The following CDKL5 variants were observed in gnomAD, a reference collection of about 807,000 sequenced individuals.
CDKL5 encodes the protein cyclin dependent kinase like 5, also known as cyclin-dependent kinase-like 5.
CDKL5 carries 8 observed loss-of-function variants against 61.7 expected under a neutral mutation model. The observed-to-expected ratio is 0.13, with a 90% CI of 0.08 to 0.23. The LOEUF (loss-of-function observed/expected upper bound fraction) is 0.23. Ranked by LOEUF, CDKL5 falls within the 10% of genes least tolerant of loss-of-function variation. The pLI is 1.00. For synonymous variants in CDKL5, 275 were observed against 272.3 expected (o/e 1.01, Z -0.10); for missense variants, 440 against 734.5 (o/e 0.60, Z 4.63).
At chrX:18,504,176 G>C (rs971600541) in intron 1 of CDKL5, among the ~76,000 whole-genome samples, 2 of 111,279 alleles carry the variant, frequency 1.8e-5, no homozygotes, top group Non-Finnish European at 3.8e-5. Flanking sequence ...CGCAATCACA[G>C]CTCACTGCAG....
chrX:18,569,646 G>A (rs902240840), intron 4 of CDKL5, among the ~76,000 whole-genome samples: 1 of 111,902 alleles, frequency 8.9e-6, no homozygotes, highest in African/African-American at 3.2e-5. Flanking sequence ...TATAGCTTTG[G>A]ACCAGCAAGA....
At chrX:18,514,263 C>CT (rs1002019964) in intron 3 of CDKL5, among the ~76,000 whole-genome samples, 25 of 109,515 alleles carry the variant, frequency 2.3e-4, no homozygotes, top group African/African-American at 7.6e-4. Flanking sequence ...ATAGCTTTTA[C>CT]TTTTTTTTTG....
intron 3 of CDKL5, among the ~76,000 whole-genome samples, chrX:18,519,640 G>A (rs1569200824): frequency 9.0e-6 from 1 of 111,391 alleles, no homozygotes; most frequent in Non-Finnish European, 1.9e-5. Flanking sequence ...ATACAGAGAC[G>A]CATATAGTCT....
intron 8 of CDKL5, among the ~76,000 whole-genome samples, chrX:18,584,845 A>G (rs1241299978): frequency 8.9e-6 from 1 of 112,096 alleles, no homozygotes; most frequent in Non-Finnish European, 1.9e-5. Flanking sequence ...TTACATGACC[A>G]ACCCCTGATT....
At chrX:18,565,781 A>G (rs560704053) in intron 4 of CDKL5, among the ~76,000 whole-genome samples, 2 of 112,359 alleles carry the variant, frequency 1.8e-5, no homozygotes, top group African/African-American at 6.5e-5. Context: ...TTGTATGGGC[A>G]GGCTTAAAGG....
intron 3 of CDKL5, among the ~76,000 whole-genome samples, chrX:18,513,687 T>C (rs1922905773): frequency 9.0e-6 from 1 of 111,621 alleles, no homozygotes; most frequent in Non-Finnish European, 1.9e-5. Flanking sequence ...ATTATAAAAC[T>C]CTTTTTTAGA....
At chrX:18,539,965 T>TTTC (rs1689206526) in intron 3 of CDKL5, among the ~76,000 whole-genome samples, 1 of 112,174 alleles carries the variant, frequency 8.9e-6, no homozygotes, top group African/African-American at 3.2e-5. Context: ...GTCTTAAGTA[T>TTTC]TTCTTCTACG....
chrX:18,559,877 T>C (rs1924738040), intron 3 of CDKL5, among the ~76,000 whole-genome samples: 1 of 103,159 alleles, frequency 9.7e-6, no homozygotes, highest in Non-Finnish European at 2.0e-5. Context: ...AGTGAGAACA[T>C]GCGGTGTTTG....
At chrX:18,620,034 T>C (rs1926842322) in intron 16 of CDKL5, 68 bp downstream of exon 16, 1 of 664,444 alleles carries the variant, frequency 1.5e-6, no homozygotes, top group African/African-American at 2.2e-5. Flanking sequence ...ACTTTACACT[T>C]TGCACTTGGC....
Position 18,608,915 on chromosome X carries a change from A to G in CDKL5, c.2046+3A>G, listed in dbSNP as rs751000827. On this transcript the variant is annotated splice_donor_region_variant and intron_variant, in intron 13 of 17. Transcript: ENST00000623535. ...TCCATACACGCCAGAAGTCTGAGGT[A>G]TGTCACAATAAAATATGCCTGTAAA... 1.1e-5 allele frequency: 12 copies of G among 1,127,624 alleles called. No homozygotes were observed. The South Asian group carries it at 1.6e-4, about 15-fold the overall frequency. The allele number at this position is 1,127,624 out of a possible 1,213,427, so 92.9% of individuals were successfully genotyped here.
At chrX:18,481,517 TA>T in intron 1 of CDKL5, among the ~76,000 whole-genome samples, 1 of 103,313 alleles carries the variant, frequency 9.7e-6, no homozygotes, top group Non-Finnish European at 2.0e-5. Context: ...CACACCTGGC[TA>T]ATTTTTGTAT....
At position 18,632,150 on chromosome X, in the gene CDKL5, C is replaced by T; in HGVS notation, c.*3393C>T. The T allele has an allele frequency of 2.7e-6, 2 of 754,403 alleles. No homozygotes were observed. The highest frequency in any genetic ancestry group is 3.1e-6 in the Non-Finnish European group (2 of 639,236). The allele number at this position is 754,403 out of a possible 1,213,427, so 62.2% of individuals were successfully genotyped here. On this transcript the variant is annotated 3_prime_UTR_variant, in exon 18 of 18. Transcript: ENST00000623535. ...CCAGTCTGCAGAGCTTGGCTCTGGC[C>T]TTGTTCTGTCCAGGCTACAGTACTG...
chrX:18,465,538 G>A (rs892071014), intron 1 of CDKL5, among the ~76,000 whole-genome samples: 2 of 110,659 alleles, frequency 1.8e-5, no homozygotes, highest in Non-Finnish European at 3.8e-5. Context: ...ATATGGTGGC[G>A]GGTGCCTGTA....
chrX:18,541,404 A>G (rs763146383), intron 3 of CDKL5, among the ~76,000 whole-genome samples: 64 of 112,000 alleles, frequency 5.7e-4, no homozygotes, highest in African/African-American at 1.8e-3. Context: ...GATTATTTCT[A>G]TTCTGTCTCT....
chrX:18,477,671 G>C (rs1431218561), intron 1 of CDKL5, among the ~76,000 whole-genome samples: 1 of 110,954 alleles, frequency 9.0e-6, no homozygotes, highest in African/African-American at 3.3e-5. Context: ...ATCTACTTCA[G>C]ATGTATGCTA....
chrX:18,509,245 A>ACACCC (rs796171313), intron 2 of CDKL5, among the ~76,000 whole-genome samples: 7 of 95,350 alleles, frequency 7.3e-5, no homozygotes, highest in South Asian at 5.1e-4. Flanking sequence ...ACACACACAC[A>ACACCC]CCCCTGTCAA....
rs182298864 is a variant in CDKL5, at chrX:18,610,678, A to G, written c.2152+1108A>G. 4.4e-3 allele frequency among the ~76,000 whole-genome samples: 494 copies of G among 113,019 alleles called. 2 individuals carry two copies. The Middle Eastern group carries it at 0.046, about 11-fold the overall frequency. ...AAACAGATGCTTTTGGGGTTGTACA[A>G]ACTTAGGAGACATTGAATGACAAAG... On this transcript the variant is annotated intron_variant, in intron 14 of 17. Coordinates refer to ENST00000623535, the MANE Select transcript of CDKL5 (RefSeq NM_001323289.2).
chrX:18,516,735 TCTGA>T (rs979624191), intron 3 of CDKL5, among the ~76,000 whole-genome samples: 1 of 110,944 alleles, frequency 9.0e-6, no homozygotes, highest in Non-Finnish European at 1.9e-5. Flanking sequence ...TCCATGCTGA[TCTGA>T]CTTTTTGTTT....
rs3788810 is a variant in CDKL5, at chrX:18,651,647, G to T, written c.2980+1055G>T. ...GGCCAGCCTGCCCTCGCAAGCTCGT[G>T]GGGGGTTCATGTAGTCTAAATAGGG... On this transcript the variant is annotated intron_variant, in intron 21 of 21. Transcript: ENST00000379989. Among the ~76,000 whole-genome samples, 874 of 111,362 alleles carry T rather than the reference G, an allele frequency of 7.8e-3. 16 individuals are homozygous for T. The East Asian group carries it at 0.09, about 11-fold the overall frequency.
Sources: gnomAD v4.1 joint callset for allele counts (sites outside exome capture counted in the v4.1 genomes callset) on GRCh38, gnomAD v4.1.1 for gene constraint, MANE v1.5 for transcripts, NCBI Gene and HGNC (gene_info 2026-07-23, HGNC 2026-07-21) for gene names.